GNG2: variants seen among roughly 807,000 people sequenced by gnomAD.
GNG2 encodes the protein guanine nucleotide-binding protein G(I)/G(S)/G(O) subunit gamma-2.
Under a neutral mutation model 5.5 loss-of-function variants are expected in GNG2, and 5 were observed. The ratio of observed to expected loss-of-function variants is 0.91; its 90% CI spans 0.48 to 1.92. GNG2 has a LOEUF of 1.92. GNG2 is among the 30% of genes most tolerant of loss of function. The pLI is 0.01. For missense variants in GNG2, 55 were observed against 88.4 expected, an observed-to-expected ratio of 0.62 and a Z score of 1.52; for synonymous variants, 28 against 32.0, an observed-to-expected ratio of 0.88 and a Z score of 0.42.
intron 2 of GNG2, among the ~76,000 whole-genome samples, chr14:51,920,518 G>A (rs1019316249): frequency 5.9e-5 from 9 of 151,850 alleles, no homozygotes; most frequent in African/African-American, 2.2e-4. Context: ...TTGACTTTAC[G>A]GATACAGAAG....
chr14:51,859,196 TGAGAA>T (rs1452043024), upstream of GNG2, among the ~76,000 whole-genome samples: 1 of 152,216 alleles, frequency 6.6e-6, no homozygotes, highest in African/African-American at 2.4e-5. Context: ...CACTGATTCC[TGAGAA>T]GAGGTGTTTT....
chr14:51,912,585 G>A (rs2140205225), intron 2 of GNG2, among the ~76,000 whole-genome samples: 1 of 152,208 alleles, frequency 6.6e-6, no homozygotes, highest in South Asian at 2.1e-4. Flanking sequence ...CATTACTGCT[G>A]GGCTTCTTCA....
chr14:51,854,925 G>C (rs1013415476), intron 2 of GNG2, among the ~76,000 whole-genome samples: 1 of 152,020 alleles, frequency 6.6e-6, no homozygotes, highest in Non-Finnish European at 1.5e-5. Context: ...AAGACCTCAG[G>C]CTTCATGGTT....
intron 2 of GNG2, among the ~76,000 whole-genome samples, chr14:51,926,446 C>A (rs1260203769): frequency 1.3e-5 from 2 of 152,270 alleles, no homozygotes; most frequent in East Asian, 3.9e-4. Context: ...GAGTTTTGGA[C>A]TAATTTTTTT....
intron 3 of GNG2, among the ~76,000 whole-genome samples, chr14:51,957,449 A>G (rs1243443019): frequency 1.3e-5 from 2 of 152,200 alleles, no homozygotes; most frequent in African/African-American, 2.4e-5. Flanking sequence ...TATTCTGGAA[A>G]TAATCTCAAA....
chr14:51,829,865 C>G (rs1881135336), intron 2 of GNG2, among the ~76,000 whole-genome samples: 1 of 140,568 alleles, frequency 7.1e-6, no homozygotes, highest in African/African-American at 2.7e-5. Flanking sequence ...TTTTTTGAGA[C>G]AGAGTCTCAC....
chr14:51,919,917 G>A lies in GNG2; in HGVS notation c.-29-30733G>A, dbSNP rs148746229. ...TAAAAATAGATATGGCCCCTGTCAT[G>A]GAGTGTACTGTCTAGCTGGGGAGCA... On this transcript the variant is annotated intron_variant, in intron 2 of 3. Transcript: ENST00000556766. Among the ~76,000 whole-genome samples, 664 of 152,254 alleles carry A rather than the reference G, an allele frequency of 4.4e-3. 2 individuals carry two copies. The highest frequency in any genetic ancestry group is 0.017 in the South Asian group (80 of 4,822).
chr14:51,871,474 G>T (rs1158829631), intron 1 of GNG2, among the ~76,000 whole-genome samples: 1 of 152,062 alleles, frequency 6.6e-6, no homozygotes, highest in African/African-American at 2.4e-5. Context: ...AGAATTACTT[G>T]GGCAAATTGC....
In GNG2 at chr14:51,942,598, T is replaced by TC. The variant is rs1274953734; in HGVS notation, c.-29-8052_-29-8051insC. Among the ~76,000 whole-genome samples, 914 of 133,764 alleles carry TC rather than the reference T, an allele frequency of 6.8e-3. 2 individuals are homozygous for TC. Among genetic ancestry groups the TC allele is most frequent in the Middle Eastern group, 0.014 (4 of 286 alleles). The allele number at this position is 133,764 out of a possible 152,430, so 87.8% of individuals were successfully genotyped here. A position where few individuals can be genotyped will look rare whatever the true frequency, so the allele number is the denominator to read the frequency against. ...CTTTCTTTCTTTCTTTCTTTTTTTT[T>TC]TTTTTTTTAGAGACAGGGACTCACT... On this transcript the variant is annotated intron_variant, in intron 2 of 3. Transcript: ENST00000556766.
intron 2 of GNG2, 98 bp from the exon 3 acceptor site, chr14:51,950,552 T>C: frequency 2.8e-6 from 2 of 724,506 alleles, no homozygotes; most frequent in Non-Finnish European, 4.7e-6. Context: ...CAGGCCTGGC[T>C]ACAGCCACTG....
At chr14:51,915,505 C>G (rs1185049657) in intron 2 of GNG2, among the ~76,000 whole-genome samples, 1 of 152,080 alleles carries the variant, frequency 6.6e-6, no homozygotes, top group Non-Finnish European at 1.5e-5. Context: ...AGCAAGGAAA[C>G]AAATCGAATT....
upstream of GNG2, among the ~76,000 whole-genome samples, chr14:51,858,505 G>T (rs948379869): frequency 4.6e-5 from 7 of 152,094 alleles, no homozygotes; most frequent in African/African-American, 1.7e-4. Flanking sequence ...ACCTATATAG[G>T]CTTAAATATA....
intron 2 of GNG2, among the ~76,000 whole-genome samples, chr14:51,891,850 G>A (rs1446913891): frequency 6.6e-6 from 1 of 152,178 alleles, no homozygotes; most frequent in African/African-American, 2.4e-5. Context: ...TTTGGGTTGT[G>A]TCCACCTTTT....
At chr14:51,845,266 G>A (rs1240143236) in intron 2 of GNG2, among the ~76,000 whole-genome samples, 1 of 152,196 alleles carries the variant, frequency 6.6e-6, no homozygotes, top group African/African-American at 2.4e-5. Context: ...CAAGGCAGGT[G>A]GATTGCTTGA....
chr14:51,842,036 C>G (rs1224277807), intron 2 of GNG2, among the ~76,000 whole-genome samples: 1 of 152,182 alleles, frequency 6.6e-6, no homozygotes, highest in Non-Finnish European at 1.5e-5. Context: ...TTCCTATTGT[C>G]AAGAGGGCCT....
At chr14:51,936,755 C>T (rs1018647039) in intron 2 of GNG2, among the ~76,000 whole-genome samples, 2 of 152,008 alleles carry the variant, frequency 1.3e-5, no homozygotes, top group African/African-American at 4.8e-5. Flanking sequence ...TTTGCCCAGG[C>T]TGGTCTTGAA....
chr14:51,844,308 T>A (rs1360969790), intron 2 of GNG2, among the ~76,000 whole-genome samples: 1 of 152,230 alleles, frequency 6.6e-6, no homozygotes, highest in Non-Finnish European at 1.5e-5. Flanking sequence ...CTGGTCTGGT[T>A]TCCCATCTCA....
chr14:51,930,100 C>G (rs1225171345), intron 2 of GNG2, among the ~76,000 whole-genome samples: 3 of 152,234 alleles, frequency 2.0e-5, no homozygotes, highest in Non-Finnish European at 2.9e-5. Flanking sequence ...CTCAGCCAAG[C>G]AAACGATGCC....
At chr14:51,884,374 T>C (rs938557553) in intron 2 of GNG2, among the ~76,000 whole-genome samples, 2 of 152,226 alleles carry the variant, frequency 1.3e-5, no homozygotes, top group Non-Finnish European at 2.9e-5. Flanking sequence ...AGTTCTTTTA[T>C]GATTTTCAAA....
Sources: allele counts gnomAD v4.1 joint callset (sites outside exome capture counted in the v4.1 genomes callset), GRCh38; gene constraint gnomAD v4.1.1; transcripts MANE v1.5; gene names NCBI Gene and HGNC (gene_info 2026-07-23, HGNC 2026-07-21).